The following RASL10A variants were observed in gnomAD, a reference collection of about 807,000 sequenced individuals.
RASL10A encodes the protein ras-like protein family member 10A.
A neutral mutation model predicts 17.3 loss-of-function variants in RASL10A; 13 were observed. The observed-to-expected ratio is 0.75, with a 90% CI of 0.49 to 1.20. The LOEUF is 1.20. RASL10A is among the 50% of genes most tolerant of loss of function. The probability of loss-of-function intolerance (pLI) is 0.00; values close to 1 mark genes in which losing one functional copy is unlikely to be tolerated. For missense variants in RASL10A, 307 were observed against 310.3 expected (o/e 0.99, Z 0.08); for synonymous variants, 159 against 142.2 (o/e 1.12, Z -0.84).
At position 29,313,470 on chromosome 22, in the gene RASL10A, A is replaced by C; in HGVS notation, c.443T>G (p.Val148Gly). The C allele has an allele frequency of 6.5e-7, 1 of 1,548,050 alleles. No individual in the cohort carries two copies. The highest frequency in any genetic ancestry group is 8.7e-7 in the Non-Finnish European group (1 of 1,152,812). Residue 148 changes from valine (V) to glycine (G), a missense_variant, in exon 3 of 3, where the codon GTG becomes GGG. Physicochemically the swap from Val to Gly is moderately radical, Grantham distance 109. Coordinates refer to ENST00000216101, the MANE Select transcript of RASL10A (RefSeq NM_006477.5). ...FGPRRALAAL[V>G]RRGWRCGYLE... Reference sequence around the variant, plus strand: ...GTAGCCGCAGCGCCAGCCCCTGCGCACTAGGGCGGCCAGCGCGCGCCGCGG... The same window carrying C: ...GTAGCCGCAGCGCCAGCCCCTGCGCCCTAGGGCGGCCAGCGCGCGCCGCGG...
chr22:29,316,522 C>A (rs1197664499), upstream of RASL10A, among the ~76,000 whole-genome samples: 2 of 148,068 alleles, frequency 1.4e-5, no homozygotes, highest in African/African-American at 2.4e-5. Flanking sequence ...AGGGATGCAA[C>A]CTCCAAAACA....
At chr22:29,316,883 G>A (rs2061456792), upstream of RASL10A, 1 of 152,168 alleles carries the variant, frequency 6.6e-6, no homozygotes, top group South Asian at 2.1e-4. Context: ...GAAGGTTCTA[G>A]AACACATGGG....
In RASL10A at chr22:29,313,281, G is replaced by C; in HGVS notation, c.*20C>G. 6.8e-7 allele frequency: 1 copy of C among 1,474,104 alleles called. No individual in the cohort carries two copies. Among genetic ancestry groups the C allele is most frequent in the Non-Finnish European group, 9.0e-7 (1 of 1,109,342 alleles). The allele number at this position is 1,474,104 out of a possible 1,614,324, so 91.3% of individuals were successfully genotyped here. A position where few individuals can be genotyped will look rare whatever the true frequency, so the allele number is the denominator to read the frequency against. On this transcript the variant is annotated 3_prime_UTR_variant, in exon 3 of 3. Coordinates refer to ENST00000216101, the MANE Select transcript of RASL10A (RefSeq NM_006477.5). ...TCCCAGTCACAAGGTGGGGCCCATG[G>C]ATGGCACTGTCCGATCGGGTCACAT...
chr22:29,313,677 C>T (rs1364715501), intron 2 of RASL10A, 109 bp from the exon 3 acceptor site: 5 of 1,413,374 alleles, frequency 3.5e-6, no homozygotes, highest in Admixed American at 5.4e-5. Flanking sequence ...AGACACCGCC[C>T]CCCCCGCCGC....
At chr22:29,316,831 A>T (rs978314827), upstream of RASL10A, 2 of 152,064 alleles carry the variant, frequency 1.3e-5, no homozygotes, top group African/African-American at 4.8e-5. Context: ...AGATTTAAAA[A>T]ACAGAAAACA....
upstream of RASL10A, among the ~76,000 whole-genome samples, chr22:29,317,809 A>G (rs1032751363): frequency 1.3e-5 from 2 of 152,110 alleles, no homozygotes; most frequent in Non-Finnish European, 2.9e-5. Context: ...CTCAGCCTCT[A>G]GAGTAGCTGG....
chr22:29,314,383 A>C, intron 1 of RASL10A: 2 of 185,786 alleles, frequency 1.1e-5, no homozygotes, highest in Admixed American at 5.6e-5. Flanking sequence ...ACCGTTTATG[A>C]CCGTAGCGTA....
rs2061428588 is a variant in RASL10A, at chr22:29,313,144, G to T, written c.*157C>A. 3.9e-6 allele frequency: 4 copies of T among 1,019,462 alleles called. No individual in the cohort carries two copies. The East Asian group carries it at 1.2e-4, about 31-fold the overall frequency. 63.2% of individuals were successfully genotyped at this position (1,019,462 alleles called of 1,614,324 possible). On this transcript the variant is annotated 3_prime_UTR_variant, in exon 3 of 3. Transcript: ENST00000216101. ...TGGGTCCAATGAGGTTCAAAAGGGGGCCAGTCGCTTAGGAGACTGGGTTGG... is the reference window on the plus strand; with the variant it reads ...TGGGTCCAATGAGGTTCAAAAGGGGTCCAGTCGCTTAGGAGACTGGGTTGG...
At chr22:29,314,906 A>T in intron 1 of RASL10A, 122 bp downstream of exon 1, 1 of 773,352 alleles carries the variant, frequency 1.3e-6, no homozygotes, top group South Asian at 2.2e-5. Context: ...GGACGCACAC[A>T]CATCCCTCCA....
chr22:29,315,666 T>G lies in RASL10A; in HGVS notation c.-420A>C, dbSNP rs1284388296. The stretch of plus-strand genomic sequence containing the variant: ...CGCTGCCTCCCGGAGCCTCTGTGCC[T>G]CTATCCTTCTCTCGCTTCCGCGCCT... On this transcript the variant is annotated 5_prime_UTR_variant, in exon 1 of 3. Transcript: ENST00000216101. This position sits in a 1 kb window ranked among gnomAD's most constrained non-coding sequence, Gnocchi z 5.5. The G allele has an allele frequency of 4.6e-5, 7 of 152,112 alleles. No homozygotes were observed. Among genetic ancestry groups the G allele is most frequent in the Non-Finnish European group, 1.0e-4 (7 of 68,158 alleles). The allele number at this position is 152,112 out of a possible 1,614,324, so 9.4% of individuals were successfully genotyped here.
In RASL10A at chr22:29,313,034, G is replaced by A. The variant is rs1398556186; in HGVS notation, c.*267C>T. ...CTGCGTGTTTCCAGTCAAGTTCATA[G>A]CCAAGTCCTTTCCATCCAATGGGAT... is the stretch of plus-strand genomic sequence containing the variant. On this transcript the variant is annotated 3_prime_UTR_variant, in exon 3 of 3. Transcript: ENST00000216101. 1 of 424,626 alleles carries A rather than the reference G, an allele frequency of 2.4e-6. No homozygotes were observed. The highest frequency in any genetic ancestry group is 4.1e-5 in the Admixed American group (1 of 24,144). 26.3% of individuals were successfully genotyped at this position (424,626 alleles called of 1,614,324 possible).
At chr22:29,313,684 C>A in intron 2 of RASL10A, 116 bp from the exon 3 acceptor site, 1 of 1,407,124 alleles carries the variant, frequency 7.1e-7, no homozygotes, top group Non-Finnish European at 9.4e-7. Flanking sequence ...GCCCCCCCCG[C>A]CGCCCCAACG....
chr22:29,315,099 C>T lies in RASL10A; in HGVS notation c.148G>A (p.Gly50Ser), dbSNP rs1225826117. 8 of 1,529,166 alleles carry T rather than the reference C, an allele frequency of 5.2e-6. No individual in the cohort carries two copies. In the South Asian group the frequency reaches 9.6e-5, roughly 18 times the overall value. 94.7% of individuals were successfully genotyped at this position (1,529,166 alleles called of 1,614,324 possible). Residue 50 changes from glycine to serine, a missense_variant, in exon 1 of 3, where the codon GGC becomes AGC. Transcript: ENST00000216101. The surrounding 1 kb of genome is among the most constrained non-coding windows in gnomAD (Gnocchi z 5.5). ...RLYRPAVLLD[G>S]AVYDLSIRDG... The stretch of plus-strand genomic sequence containing the variant: ...CGGATGCTCAAGTCGTAGACGGCGC[C>T]GTCGAGCAGCACCGCGGGTCGGTAG...
At chr22:29,313,704 G>T in intron 2 of RASL10A, 136 bp from the exon 3 acceptor site, 1 of 1,426,046 alleles carries the variant, frequency 7.0e-7, no homozygotes, top group Non-Finnish European at 9.3e-7. Context: ...GAAACCCCAG[G>T]CCCATGTGGG....
Position 29,315,279 on chromosome 22 carries a change from A to G in RASL10A, c.-33T>C. The G allele has an allele frequency of 7.1e-7, 1 of 1,410,930 alleles. No individual in the cohort carries two copies. The highest frequency in any genetic ancestry group is 1.5e-5 in the African/African-American group (1 of 66,256). The allele number at this position is 1,410,930 out of a possible 1,614,324, so 87.4% of individuals were successfully genotyped here. On this transcript the variant is annotated 5_prime_UTR_variant, in exon 1 of 3. Coordinates refer to ENST00000216101, the MANE Select transcript of RASL10A (RefSeq NM_006477.5). This position sits in a 1 kb window ranked among gnomAD's most constrained non-coding sequence, Gnocchi z 5.5. ...CGGCGCTGTCGCTCCCCGCGCTGGAAAGCCTCATGGGCCGGCGCCGCACCG... is the reference window on the plus strand; with the variant it reads ...CGGCGCTGTCGCTCCCCGCGCTGGAGAGCCTCATGGGCCGGCGCCGCACCG...
Position 29,315,191 on chromosome 22 carries a change from G to T in RASL10A, c.56C>A (p.Ala19Asp). Reference sequence around the variant, plus strand: ...ACCGAACAGGAACTGGCGGATGATGGCCGTCTTGCCCACGCCCGGGGCGCC... The same window carrying T: ...ACCGAACAGGAACTGGCGGATGATGTCCGTCTTGCCCACGCCCGGGGCGCC... ...VLGAPGVGKTAIIRQFLFGDY... is the reference protein window; with the variant it reads ...VLGAPGVGKTDIIRQFLFGDY... The change falls in exon 1 of 3, where the codon GCC (alanine) becomes GAC (aspartate). Residue 19 changes from alanine (A) to aspartate (D), a missense_variant. Physicochemically the swap from Ala to Asp is moderately radical, Grantham distance 126. Coordinates refer to ENST00000216101, the MANE Select transcript of RASL10A (RefSeq NM_006477.5). The surrounding 1 kb of genome is among the most constrained non-coding windows in gnomAD (Gnocchi z 5.5). 1 of 1,538,626 alleles carries T rather than the reference G, an allele frequency of 6.5e-7. No individual in the cohort carries two copies. Among genetic ancestry groups the T allele is most frequent in the South Asian group, 1.2e-5 (1 of 83,404 alleles).
chr22:29,313,386 C>A lies in RASL10A; in HGVS notation c.527G>T (p.Arg176Leu). 6.5e-7 allele frequency: 1 copy of A among 1,543,310 alleles called. No homozygotes were observed. Among genetic ancestry groups the A allele is most frequent in the Non-Finnish European group, 8.7e-7 (1 of 1,146,328 alleles). ...AGGGCGCGCGCGCACCAGAGCGCAG[C>A]GCAGCAGCTCGCGGAAGAGACGCAG... Reference protein sequence around the residue: ...HVLRLFRELLRCALVRARPAH... With the variant: ...HVLRLFRELLLCALVRARPAH... Residue 176 changes from arginine to leucine, a missense_variant, in exon 3 of 3, where the codon CGC becomes CTC. By Grantham distance (102) the Arg-to-Leu change is moderately radical. Coordinates refer to ENST00000216101, the MANE Select transcript of RASL10A (RefSeq NM_006477.5).
chr22:29,318,991 T>C (rs1391355275), upstream of RASL10A, among the ~76,000 whole-genome samples: 5 of 151,484 alleles, frequency 3.3e-5, no homozygotes, highest in African/African-American at 7.3e-5. Context: ...CCAGCGGGAG[T>C]TGAGGGGCTT....
rs1402400979 is a variant in RASL10A, at chr22:29,312,935, A to C, written c.*366T>G. The C allele has an allele frequency of 3.4e-6, 1 of 296,962 alleles. No individual in the cohort carries two copies. Among genetic ancestry groups the C allele is most frequent in the African/African-American group, 2.2e-5 (1 of 46,336 alleles). The allele number at this position is 296,962 out of a possible 1,614,324, so 18.4% of individuals were successfully genotyped here. ...CAGCCCAGAAATCCCAGGCGCACTCAAATTATTTTCCCTTTTATTATCCCG... is the reference window on the plus strand; with the variant it reads ...CAGCCCAGAAATCCCAGGCGCACTCCAATTATTTTCCCTTTTATTATCCCG... On this transcript the variant is annotated 3_prime_UTR_variant, in exon 3 of 3. Transcript: ENST00000216101.
Sources: gnomAD v4.1 joint callset for allele counts (sites outside exome capture counted in the v4.1 genomes callset) on GRCh38, gnomAD v4.1.1 for gene constraint, Gnocchi (gnomAD v3.1) non-coding constraint, MANE v1.5 for transcripts, NCBI Gene and HGNC (gene_info 2026-07-23, HGNC 2026-07-21) for gene names.